The following GRB14 variants were observed in gnomAD, a reference collection of about 807,000 sequenced individuals.
GRB14 encodes the protein growth factor receptor bound protein 14.
Under a neutral mutation model 69.1 loss-of-function variants are expected in GRB14, and 38 were observed. The observed-to-expected ratio is 0.55, with a 90% CI of 0.42 to 0.72. The LOEUF is 0.72. Ranked by LOEUF, GRB14 falls within the 30% of genes least tolerant of loss-of-function variation. The pLI is 0.00. For missense variants in GRB14, 666 were observed against 666.1 expected (o/e 1.00, Z 0.00); for synonymous variants, 247 against 241.3 (o/e 1.02, Z -0.22).
Position 164,497,505 on chromosome 2 carries a change from C to T in GRB14, c.1105-15G>A, listed in dbSNP as rs751294813. 6.9e-7 allele frequency: 1 copy of T among 1,446,568 alleles called. No individual in the cohort carries two copies. Among genetic ancestry groups the T allele is most frequent in the East Asian group, 2.3e-5 (1 of 43,982 alleles). 89.6% of individuals were successfully genotyped at this position (1,446,568 alleles called of 1,614,324 possible). On this transcript the variant is annotated splice_polypyrimidine_tract_variant and intron_variant, in intron 9 of 13. Transcript: ENST00000263915. The stretch of plus-strand genomic sequence containing the variant: ...GATATACTTCTCTGGAAAAAAGAAA[C>T]ACATTTGAGTTATGAAAATTTCTTT...
In GRB14 at chr2:164,494,541, A is replaced by C. The variant is rs575548703; in HGVS notation, c.1383-17T>G. On this transcript the variant is annotated splice_polypyrimidine_tract_variant and intron_variant, in intron 12 of 13. Coordinates refer to ENST00000263915, the MANE Select transcript of GRB14 (RefSeq NM_004490.3). Reference sequence around the variant, plus strand: ...AAGAAAACTCTAAAGAGAGAGAAGGAATTTCAATGTTTCTATATTTACTCA... The same window carrying C: ...AAGAAAACTCTAAAGAGAGAGAAGGCATTTCAATGTTTCTATATTTACTCA... The C allele has an allele frequency of 8.2e-7, 1 of 1,219,274 alleles. No homozygotes were observed. Among genetic ancestry groups the C allele is most frequent in the Non-Finnish European group, 1.2e-6 (1 of 820,736 alleles). The allele number at this position is 1,219,274 out of a possible 1,614,324, so 75.5% of individuals were successfully genotyped here. A position where few individuals can be genotyped will look rare whatever the true frequency, so the allele number is the denominator to read the frequency against.
intron 5 of GRB14, among the ~76,000 whole-genome samples, chr2:164,523,467 T>G (rs1263928594): frequency 6.6e-6 from 1 of 151,838 alleles, no homozygotes; most frequent in Non-Finnish European, 1.5e-5. Context: ...TGGAAAAAAT[T>G]TGAAATAAGG....
At chr2:164,595,327 T>C (rs1689757487) in intron 2 of GRB14, among the ~76,000 whole-genome samples, 1 of 152,190 alleles carries the variant, frequency 6.6e-6, no homozygotes, top group African/African-American at 2.4e-5. Context: ...GAGTGTCTAG[T>C]GGCAGACAAA....
At chr2:164,564,930 G>A (rs557899587) in intron 2 of GRB14, among the ~76,000 whole-genome samples, 17 of 152,180 alleles carry the variant, frequency 1.1e-4, no homozygotes, top group South Asian at 1.0e-3. Flanking sequence ...CAGGAGAATC[G>A]TTCGAACCCA....
intron 2 of GRB14, among the ~76,000 whole-genome samples, chr2:164,599,177 G>A (rs757175139): frequency 1.3e-5 from 2 of 152,108 alleles, no homozygotes; most frequent in African/African-American, 2.4e-5. Context: ...ACGGTGCCTC[G>A]ATATAGTCAG....
chr2:164,574,985 C>T (rs1289042419), intron 2 of GRB14, among the ~76,000 whole-genome samples: 1 of 150,426 alleles, frequency 6.6e-6, no homozygotes, highest in Non-Finnish European at 1.5e-5. Flanking sequence ...CCCAGAGAAA[C>T]AGTCAACACT....
At chr2:164,582,324 T>C (rs575466926) in intron 2 of GRB14, among the ~76,000 whole-genome samples, 1 of 152,272 alleles carries the variant, frequency 6.6e-6, no homozygotes, top group South Asian at 2.1e-4. Context: ...ACATCCCATA[T>C]CCATATCCAC....
intron 2 of GRB14, among the ~76,000 whole-genome samples, chr2:164,619,123 T>C (rs184497064): frequency 6.6e-6 from 1 of 152,354 alleles, no homozygotes; most frequent in Admixed American, 6.5e-5. Context: ...CTTAGTCTTC[T>C]AATTATCACT....
Position 164,589,672 on chromosome 2 carries a change from C to T in GRB14, c.324+30015G>A, listed in dbSNP as rs533239649. 3.8e-4 allele frequency among the ~76,000 whole-genome samples: 58 copies of T among 152,126 alleles called. 1 individual carries two copies. The South Asian group carries it at 8.9e-3, about 23-fold the overall frequency. The stretch of plus-strand genomic sequence containing the variant: ...ATTCATGGGGACTTCAGTCCCATGG[C>T]CCAAACAGAAGTAGGCCCCATCTCC... On this transcript the variant is annotated intron_variant, in intron 2 of 13. Transcript: ENST00000263915.
chr2:164,507,451 C>T (rs1170670630), intron 8 of GRB14, among the ~76,000 whole-genome samples: 1 of 152,100 alleles, frequency 6.6e-6, no homozygotes, highest in Non-Finnish European at 1.5e-5. Flanking sequence ...TAATCTAAAT[C>T]TTCCTGTGGT....
intron 2 of GRB14, among the ~76,000 whole-genome samples, chr2:164,615,990 G>T (rs577448164): frequency 6.6e-6 from 1 of 152,246 alleles, no homozygotes; most frequent in African/African-American, 2.4e-5. Context: ...GTTCATAATG[G>T]AAGTCACTTT....
At chr2:164,510,843 A>G (rs1340067662) in intron 6 of GRB14, among the ~76,000 whole-genome samples, 2 of 152,196 alleles carry the variant, frequency 1.3e-5, no homozygotes, top group East Asian at 3.9e-4. Context: ...TGGGGACTTC[A>G]TATCACTGAA....
chr2:164,500,925 T>TA (rs1687033129), intron 9 of GRB14, among the ~76,000 whole-genome samples: 1 of 152,166 alleles, frequency 6.6e-6, no homozygotes, highest in South Asian at 2.1e-4. Flanking sequence ...CCATTTTTCC[T>TA]ATGATTAAGA....
intron 2 of GRB14, among the ~76,000 whole-genome samples, chr2:164,599,627 C>T (rs1051803067): frequency 1.3e-5 from 2 of 152,082 alleles, no homozygotes; most frequent in African/African-American, 4.8e-5. Context: ...TTGATAGAAG[C>T]ATATATGGGA....
chr2:164,495,919 A>C lies in GRB14; in HGVS notation c.1382+1089T>G, dbSNP rs569062219. 3.9e-5 allele frequency among the ~76,000 whole-genome samples: 6 copies of C among 152,334 alleles called. No individual in the cohort carries two copies. In the South Asian group the frequency reaches 1.0e-3, roughly 26 times the overall value. ...CGATCATTTCATTCACTTTATAAAT[A>C]CTGGGCTCAGAAATAAAGAAAATTA... On this transcript the variant is annotated intron_variant, in intron 12 of 13. Coordinates refer to ENST00000263915, the MANE Select transcript of GRB14 (RefSeq NM_004490.3).
intron 3 of GRB14, among the ~76,000 whole-genome samples, chr2:164,534,593 C>T (rs552968454): frequency 1.4e-4 from 22 of 152,146 alleles, no homozygotes; most frequent in Admixed American, 2.6e-4. Context: ...CAAAAAACAC[C>T]ATCACCAAGA....
intron 2 of GRB14, among the ~76,000 whole-genome samples, chr2:164,610,499 A>G (rs537178537): frequency 6.6e-5 from 10 of 152,128 alleles, no homozygotes; most frequent in Non-Finnish European, 1.3e-4. Flanking sequence ...CAGGATCTAG[A>G]TTCAATTTTA....
At chr2:164,495,079 C>T (rs1242235362) in intron 12 of GRB14, among the ~76,000 whole-genome samples, 1 of 151,986 alleles carries the variant, frequency 6.6e-6, no homozygotes, top group East Asian at 1.9e-4. Context: ...GTAATTGGGA[C>T]TACAGGCACA....
chr2:164,576,747 T>G (rs1689261743), intron 2 of GRB14, among the ~76,000 whole-genome samples: 1 of 150,758 alleles, frequency 6.6e-6, no homozygotes, highest in East Asian at 1.9e-4. Flanking sequence ...ATCCCAAAAT[T>G]TTAAAAAAAT....
Sources: allele counts gnomAD v4.1 joint callset (sites outside exome capture counted in the v4.1 genomes callset), GRCh38; gene constraint gnomAD v4.1.1; transcripts MANE v1.5; gene names NCBI Gene and HGNC (gene_info 2026-07-23, HGNC 2026-07-21).